Variants in SGCD observed in about 807,000 individuals in gnomAD.
The protein encoded by SGCD is delta-sarcoglycan.
SGCD carries 18 observed loss-of-function variants against 36.6 expected under a neutral mutation model. That is an observed-to-expected ratio of 0.49 (90% confidence interval 0.34 to 0.73). The LOEUF (loss-of-function observed/expected upper bound fraction) is 0.73. Among genes scored for constraint, SGCD ranks in the 30% least tolerant of loss-of-function variants. SGCD has a pLI of 0.01. For missense variants in SGCD, 387 were observed against 346.7 expected, an observed-to-expected ratio of 1.12 and a Z score of -0.92; for synonymous variants, 133 against 130.6, an observed-to-expected ratio of 1.02 and a Z score of -0.12.
intron 3 of SGCD, among the ~76,000 whole-genome samples, chr5:156,127,288 T>C (rs975084478): frequency 2.0e-5 from 3 of 152,146 alleles, no homozygotes; most frequent in African/African-American, 4.8e-5. Context: ...AAAATAGCTG[T>C]CATTATATAT....
intron 6 of SGCD, among the ~76,000 whole-genome samples, chr5:156,643,314 G>A (rs568606834): frequency 5.9e-5 from 9 of 152,092 alleles, no homozygotes; most frequent in African/African-American, 2.2e-4. Flanking sequence ...TTACAGGTGT[G>A]AGCCACCTCG....
At chr5:155,768,129 G>A in the SGCD span, among the ~76,000 whole-genome samples, 2 of 152,106 alleles carry the variant, frequency 1.3e-5, no homozygotes, top group Non-Finnish European at 1.5e-5. Context: ...AGAAAAATAG[G>A]TGAGGGGAAA....
chr5:156,423,238 T>TTTATTATAATATAATATAATATA (rs1773446379), intron 3 of SGCD, among the ~76,000 whole-genome samples: 1 of 2,686 alleles, frequency 3.7e-4, no homozygotes, highest in Non-Finnish European at 7.4e-4. Flanking sequence ...TGTATTATAT[T>TTTATTATAATATAATATAATATA]ATATTTTATA....
intron 3 of SGCD, among the ~76,000 whole-genome samples, chr5:156,435,159 A>C (rs1192389591): frequency 6.6e-6 from 1 of 152,218 alleles, no homozygotes; most frequent in Non-Finnish European, 1.5e-5. Context: ...TAGGAATAGA[A>C]ACAGTTCTTA....
At chr5:156,494,788 T>C (rs952822383) in intron 3 of SGCD, among the ~76,000 whole-genome samples, 1 of 152,052 alleles carries the variant, frequency 6.6e-6, no homozygotes, top group Admixed American at 6.6e-5. Flanking sequence ...GGGGGTGTGA[T>C]TCAACTCTGA....
chr5:156,333,810 T>C (rs1768191520), intron 2 of SGCD, among the ~76,000 whole-genome samples: 1 of 134,702 alleles, frequency 7.4e-6, no homozygotes, highest in African/African-American at 2.9e-5. Context: ...TTTTTTTTTT[T>C]TTTTTTTTTT....
intron 7 of SGCD, among the ~76,000 whole-genome samples, chr5:156,681,640 A>G (rs907632400): frequency 6.6e-5 from 10 of 152,184 alleles, no homozygotes; most frequent in Non-Finnish European, 1.3e-4. Flanking sequence ...AGAGTGATAG[A>G]TGATTATGTT....
At chr5:156,401,771 T>G (rs1772162346) in intron 3 of SGCD, among the ~76,000 whole-genome samples, 1 of 152,094 alleles carries the variant, frequency 6.6e-6, no homozygotes, top group African/African-American at 2.4e-5. Context: ...TAAAAAAAAT[T>G]TTCATAAACT....
chr5:156,133,396 T>C (rs951717131), intron 3 of SGCD, among the ~76,000 whole-genome samples: 2 of 152,206 alleles, frequency 1.3e-5, no homozygotes, highest in African/African-American at 4.8e-5. Flanking sequence ...TTTTCACTTA[T>C]ATATTCCAGA....
chr5:156,292,649 C>A (rs1208124394), intron 3 of SGCD, among the ~76,000 whole-genome samples: 2 of 152,048 alleles, frequency 1.3e-5, no homozygotes, highest in African/African-American at 4.8e-5. Context: ...TATGATCACT[C>A]AATTTTTAAG....
chr5:155,806,643 A>G, the SGCD span, among the ~76,000 whole-genome samples: 1 of 152,206 alleles, frequency 6.6e-6, no homozygotes, highest in Non-Finnish European at 1.5e-5. Flanking sequence ...GAATACACCT[A>G]TGTAACATAC....
chr5:156,099,336 C>T (rs1761462526), intron 1 of SGCD, among the ~76,000 whole-genome samples: 1 of 152,150 alleles, frequency 6.6e-6, no homozygotes, highest in Non-Finnish European at 1.5e-5. Context: ...TGTCAGATTC[C>T]TCTACCCAAA....
chr5:156,265,489 A>G (rs1444423668), intron 3 of SGCD, among the ~76,000 whole-genome samples: 3 of 152,164 alleles, frequency 2.0e-5, no homozygotes, highest in South Asian at 2.1e-4. Context: ...TTAGATATCT[A>G]GTTGCTACTT....
chr5:156,305,516 C>T (rs1213773928), intron 3 of SGCD, among the ~76,000 whole-genome samples: 1 of 152,152 alleles, frequency 6.6e-6, no homozygotes, highest in African/African-American at 2.4e-5. Flanking sequence ...CACAAGTGTG[C>T]TGCAGGAGTG....
chr5:155,972,750 G>T (rs780942410), intron 1 of SGCD, among the ~76,000 whole-genome samples: 1 of 152,068 alleles, frequency 6.6e-6, no homozygotes, highest in African/African-American at 2.4e-5. Flanking sequence ...GGCAGTTTTA[G>T]TCCTAATTAA....
At chr5:156,393,716 A>G (rs1771705648) in intron 3 of SGCD, 1 of 456,234 alleles carries the variant, frequency 2.2e-6, no homozygotes, top group Non-Finnish European at 4.4e-6. Flanking sequence ...CATAGTTACT[A>G]ACAAAGTGCT....
At chr5:156,070,574 A>T (rs1278264756) in intron 1 of SGCD, among the ~76,000 whole-genome samples, 1 of 151,488 alleles carries the variant, frequency 6.6e-6, no homozygotes, top group Non-Finnish European at 1.5e-5. Context: ...TTCATCAAGG[A>T]TATTGGTCTA....
At chr5:156,272,224 C>G (rs1202626264) in intron 3 of SGCD, among the ~76,000 whole-genome samples, 1 of 152,164 alleles carries the variant, frequency 6.6e-6, no homozygotes, top group African/African-American at 2.4e-5. Context: ...GCCTATGCCT[C>G]TGCATCCTCA....
At chr5:155,880,928 A>T (rs917665110) in intron 1 of SGCD, among the ~76,000 whole-genome samples, 1 of 152,128 alleles carries the variant, frequency 6.6e-6, no homozygotes, top group Non-Finnish European at 1.5e-5. Flanking sequence ...GTGAGCAGAA[A>T]AATGCTTCTT....
Sources: gnomAD v4.1 joint callset for allele counts (sites outside exome capture counted in the v4.1 genomes callset) on GRCh38, gnomAD v4.1.1 for gene constraint, MANE v1.5 for transcripts, NCBI Gene and HGNC (gene_info 2026-07-23, HGNC 2026-07-21) for gene names.